The following NDUFAF2 variants were observed in gnomAD, a reference collection of about 807,000 sequenced individuals.
NDUFAF2 encodes the protein NADH:ubiquinone oxidoreductase complex assembly factor 2, also known as NADH dehydrogenase [ubiquinone] 1 alpha subcomplex assembly factor 2.
Under a neutral mutation model 22.8 loss-of-function variants are expected in NDUFAF2, and 13 were observed. The observed-to-expected ratio is 0.57, with a 90% CI of 0.37 to 0.91. The LOEUF (loss-of-function observed/expected upper bound fraction) is 0.91, where lower values mean the gene tolerates loss of function less well. NDUFAF2 is among the 40% of genes least tolerant of loss of function. NDUFAF2 has a pLI of 0.01. For synonymous variants in NDUFAF2, 53 were observed against 64.2 expected, an observed-to-expected ratio of 0.83 and a Z score of 0.84; for missense variants, 162 against 195.2, an observed-to-expected ratio of 0.83 and a Z score of 1.01.
At position 60,945,363 on chromosome 5, in the gene NDUFAF2, G is replaced by T. The variant is rs773110100; in HGVS notation, c.108G>T (p.Pro36=). The change falls in exon 1 of 4, where the codon CCG becomes CCT. Residue 36 remains proline, a synonymous_variant. Coordinates refer to ENST00000296597, the MANE Select transcript of NDUFAF2 (RefSeq NM_174889.5). ...TCGGGAACAAATACTACTACATCCC[G>T]CAGTACAAGAACTGGAGAGGTGAGG... ...DQFGNKYYYI[P]QYKNWRGQTI... 7.4e-6 allele frequency: 12 copies of T among 1,614,096 alleles called. No homozygotes were observed. Among genetic ancestry groups the T allele is most frequent in the South Asian group, 2.2e-5 (2 of 91,084 alleles).
At chr5:61,020,601 G>A (rs1751565981) in intron 1 of NDUFAF2, among the ~76,000 whole-genome samples, 2 of 151,878 alleles carry the variant, frequency 1.3e-5, no homozygotes, top group South Asian at 4.2e-4. Context: ...GTGTGTTTAA[G>A]AGATGAGGTC....
At chr5:61,103,424 G>A (rs1476784979) in intron 3 of NDUFAF2, among the ~76,000 whole-genome samples, 1 of 151,630 alleles carries the variant, frequency 6.6e-6, no homozygotes, top group African/African-American at 2.4e-5. Context: ...AACTGATAGA[G>A]CTAATCACTA....
intron 2 of NDUFAF2, among the ~76,000 whole-genome samples, chr5:61,096,740 G>A (rs1752646380): frequency 6.6e-6 from 1 of 151,916 alleles, no homozygotes; most frequent in Non-Finnish European, 1.5e-5. Context: ...AAGGTGGGAA[G>A]ATCACTGAAG....
At chr5:61,030,772 C>T (rs1434044230) in intron 1 of NDUFAF2, among the ~76,000 whole-genome samples, 1 of 151,970 alleles carries the variant, frequency 6.6e-6, no homozygotes. Flanking sequence ...TTAAAAAATA[C>T]TTAAAAGCAT....
intron 1 of NDUFAF2, among the ~76,000 whole-genome samples, chr5:61,035,903 G>A (rs544974888): frequency 2.8e-4 from 43 of 152,100 alleles, no homozygotes; most frequent in Non-Finnish European, 4.1e-4. Flanking sequence ...TTAAAAATCC[G>A]TCATACTATT....
chr5:61,090,205 G>T (rs1752549723), intron 2 of NDUFAF2, among the ~76,000 whole-genome samples: 1 of 151,966 alleles, frequency 6.6e-6, no homozygotes, highest in Admixed American at 6.6e-5. Context: ...CTTAATTGTA[G>T]CCCTGGCACA....
intron 3 of NDUFAF2, among the ~76,000 whole-genome samples, chr5:61,106,444 G>T (rs548475410): frequency 1.3e-5 from 2 of 151,220 alleles, no homozygotes; most frequent in East Asian, 1.9e-4. Context: ...TACTTAGAAG[G>T]TTCTTGAGAT....
At chr5:61,041,308 A>G (rs1751879363) in intron 1 of NDUFAF2, among the ~76,000 whole-genome samples, 1 of 152,228 alleles carries the variant, frequency 6.6e-6, no homozygotes, top group South Asian at 2.1e-4. Context: ...CTCTCTTTAA[A>G]TAGAAGTAGT....
At chr5:61,110,180 T>C (rs191528181) in intron 3 of NDUFAF2, among the ~76,000 whole-genome samples, 1 of 152,280 alleles carries the variant, frequency 6.6e-6, no homozygotes, top group Admixed American at 6.5e-5. Context: ...TTTTAATATG[T>C]TGTTGAATTT....
At chr5:61,135,677 A>G (rs1740915322) in intron 3 of NDUFAF2, among the ~76,000 whole-genome samples, 1 of 152,038 alleles carries the variant, frequency 6.6e-6, no homozygotes, top group Non-Finnish European at 1.5e-5. Flanking sequence ...AGCATACCGA[A>G]GTTTGAGAAC....
At chr5:61,129,384 A>G (rs973625727) in intron 3 of NDUFAF2, among the ~76,000 whole-genome samples, 1 of 152,212 alleles carries the variant, frequency 6.6e-6, no homozygotes, top group Non-Finnish European at 1.5e-5. Context: ...AAAGACTTGG[A>G]ACCAACCCAA....
chr5:61,020,835 A>G (rs1414484607), intron 1 of NDUFAF2, among the ~76,000 whole-genome samples: 2 of 152,092 alleles, frequency 1.3e-5, no homozygotes, highest in Non-Finnish European at 2.9e-5. Flanking sequence ...AGCTGGGATT[A>G]CAGGTGTGTA....
chr5:61,116,119 A>G (rs1752909242), intron 3 of NDUFAF2: 1 of 152,182 alleles, frequency 6.6e-6, no homozygotes, highest in Admixed American at 6.5e-5. Flanking sequence ...GCAGAGTATT[A>G]GAAGATTCGT....
chr5:61,006,501 G>T (rs1751368369), intron 1 of NDUFAF2, among the ~76,000 whole-genome samples: 1 of 152,042 alleles, frequency 6.6e-6, no homozygotes, highest in Non-Finnish European at 1.5e-5. Flanking sequence ...AGCTTGATGG[G>T]GATGGCATTG....
At chr5:60,972,130 A>G (rs1450665703) in intron 1 of NDUFAF2, among the ~76,000 whole-genome samples, 1 of 151,346 alleles carries the variant, frequency 6.6e-6, no homozygotes, top group African/African-American at 2.4e-5. Context: ...TTTAGTAGAG[A>G]TGGGGTTTCA....
intron 1 of NDUFAF2, among the ~76,000 whole-genome samples, chr5:60,958,342 A>G (rs1344929568): frequency 6.6e-6 from 1 of 152,226 alleles, no homozygotes; most frequent in Non-Finnish European, 1.5e-5. Context: ...GGAAGTAAAC[A>G]TGAATCATAG....
At chr5:61,053,093 A>G (rs779974702) in intron 1 of NDUFAF2, among the ~76,000 whole-genome samples, 26 of 152,174 alleles carry the variant, frequency 1.7e-4, no homozygotes, top group Non-Finnish European at 3.2e-4. Flanking sequence ...TTTCTTTCTG[A>G]CTAAATGAAA....
chr5:61,120,841 G>C (rs1579841135), intron 3 of NDUFAF2, among the ~76,000 whole-genome samples: 1 of 151,776 alleles, frequency 6.6e-6, no homozygotes, highest in Non-Finnish European at 1.5e-5. Flanking sequence ...GGTGTTTTTT[G>C]GTTTATTTTT....
At chr5:61,082,899 G>A (rs533131790) in intron 2 of NDUFAF2, among the ~76,000 whole-genome samples, 2 of 152,282 alleles carry the variant, frequency 1.3e-5, no homozygotes, top group East Asian at 3.9e-4. Flanking sequence ...TAATGGGATT[G>A]CTGGGTCAAG....
Sources: gnomAD v4.1 joint callset for allele counts (sites outside exome capture counted in the v4.1 genomes callset) on GRCh38, gnomAD v4.1.1 for gene constraint, MANE v1.5 for transcripts, NCBI Gene and HGNC (gene_info 2026-07-23, HGNC 2026-07-21) for gene names.